The following RICTOR variants were observed in gnomAD, a reference collection of about 807,000 sequenced individuals.
RICTOR encodes the protein RPTOR independent companion of MTOR complex 2.
A neutral mutation model predicts 214.9 loss-of-function variants in RICTOR; 49 were observed. The observed-to-expected ratio is 0.23, with a 90% CI of 0.18 to 0.29. The LOEUF (loss-of-function observed/expected upper bound fraction) is 0.29. Among genes scored for constraint, RICTOR ranks in the 10% least tolerant of loss-of-function variants. The pLI is 1.00. For missense variants in RICTOR, 1,625 were observed against 2,047.0 expected (o/e 0.79, Z 3.98); for synonymous variants, 717 against 711.3 (o/e 1.01, Z -0.13).
intron 16 of RICTOR, among the ~76,000 whole-genome samples, chr5:38,964,410 G>A (rs1291658235): frequency 6.6e-6 from 1 of 151,452 alleles, no homozygotes; most frequent in South Asian, 2.1e-4. Context: ...TTTTAACCAC[G>A]CAAATAAAAG....
At chr5:38,974,759 C>T (rs773369467) in intron 10 of RICTOR, among the ~76,000 whole-genome samples, 1 of 152,162 alleles carries the variant, frequency 6.6e-6, no homozygotes, top group East Asian at 1.9e-4. Flanking sequence ...TCCCTGGAAA[C>T]ATACTGGTTA....
At chr5:38,972,002 C>G in intron 10 of RICTOR, 43 bp from the exon 11 acceptor site, 2 of 875,698 alleles carry the variant, frequency 2.3e-6, no homozygotes, top group South Asian at 3.0e-5. Context: ...ACATGAATTT[C>G]AAAAAAATTT....
rs749429040 is a variant in RICTOR at position 38,963,039 on chromosome 5, C to T, written c.1403G>A (p.Arg468Gln). 49 of 1,603,586 alleles carry T rather than the reference C, an allele frequency of 3.1e-5. No individual in the cohort carries two copies. Among genetic ancestry groups the T allele is most frequent in the South Asian group, 3.4e-5 (3 of 89,012 alleles). The change falls in exon 17 of 38, where the codon CGA becomes CAA. Residue 468 changes from arginine to glutamine, a missense_variant and splice_region_variant. Arg to Gln is a conservative substitution (Grantham distance 43). This residue lies in a region of RICTOR where 1,214 missense variants were observed against 1,470.5 expected (regional missense o/e 0.83). Transcript: ENST00000357387. ...TAAACAGTTCAAGGCTGCACTGGCT[C>T]GCCTAATGAGAAAAACAATTCAATC... ...SFDIPKEKRL[R>Q]ASAALNCLKR...
intron 10 of RICTOR, among the ~76,000 whole-genome samples, chr5:38,972,644 TATGCTGATG>T (rs1051328255): frequency 1.8e-4 from 28 of 152,244 alleles, no homozygotes; most frequent in Middle Eastern, 6.8e-3. Context: ...GGGAGTCACA[TATGCTGATG>T]ATGGGAGTAT....
intron 2 of RICTOR, among the ~76,000 whole-genome samples, chr5:39,034,824 G>A (rs992552985): frequency 1.3e-5 from 2 of 152,226 alleles, no homozygotes; most frequent in Admixed American, 6.5e-5. Context: ...CCAGAAGCTC[G>A]AACTGGGTGG....
At chr5:39,052,706 T>A (rs1009583165) in intron 2 of RICTOR, among the ~76,000 whole-genome samples, 1 of 152,210 alleles carries the variant, frequency 6.6e-6, no homozygotes, top group African/African-American at 2.4e-5. Context: ...GTCCTCTTAA[T>A]ACTGTCAGTC....
intron 26 of RICTOR, 108 bp from the exon 27 acceptor site, chr5:38,954,969 C>T (rs1579901964): frequency 1.9e-6 from 1 of 513,740 alleles, no homozygotes; most frequent in South Asian, 3.0e-5. Flanking sequence ...TACAACTCTC[C>T]AGCATAAATA....
intron 2 of RICTOR, among the ~76,000 whole-genome samples, chr5:39,067,954 A>T (rs1321282848): frequency 6.6e-6 from 1 of 152,220 alleles, no homozygotes; most frequent in East Asian, 1.9e-4. Flanking sequence ...GATGTTAAAA[A>T]TGGGTAAAAC....
At position 38,960,457 on chromosome 5, in the gene RICTOR, C is replaced by A. The variant is rs1749701561; in HGVS notation, c.1792G>T (p.Ala598Ser). Residue 598 changes from alanine to serine, a missense_variant, in exon 20 of 38, where the codon GCC becomes TCC. Coordinates refer to ENST00000357387, the MANE Select transcript of RICTOR (RefSeq NM_152756.5). ...CAACCTACAACCGTGAGCTGTTTGGCCTTGGCAAAATCCAGATCCAGGTTG... is the reference window on the plus strand; with the variant it reads ...CAACCTACAACCGTGAGCTGTTTGGACTTGGCAAAATCCAGATCCAGGTTG... Reference protein sequence around the residue: ...YANLDLDFAKAKQLTVVGCQF... With the variant: ...YANLDLDFAKSKQLTVVGCQF... The A allele has an allele frequency of 1.2e-6, 2 of 1,613,790 alleles. No homozygotes were observed. Among genetic ancestry groups the A allele is most frequent in the Admixed American group, 1.7e-5 (1 of 59,990 alleles).
intron 3 of RICTOR, 43 bp downstream of exon 3, chr5:39,020,996 G>T: frequency 2.1e-6 from 2 of 958,300 alleles, no homozygotes; most frequent in Non-Finnish European, 3.4e-6. Context: ...GTGTGGTAAG[G>T]AACAAAGAAT....
intron 36 of RICTOR, chr5:38,944,231 T>C (rs760229968): frequency 3.5e-5 from 22 of 626,564 alleles, no homozygotes; most frequent in African/African-American, 3.1e-4. Context: ...TAATAGAAGA[T>C]AGCTGGATTC....
intron 2 of RICTOR, among the ~76,000 whole-genome samples, chr5:39,053,262 C>T (rs1757969018): frequency 6.6e-6 from 1 of 152,132 alleles, no homozygotes; most frequent in African/African-American, 2.4e-5. Flanking sequence ...TGCAAAATAT[C>T]CCTCAGTCAA....
chr5:39,070,454 C>A (rs527353747), intron 2 of RICTOR, among the ~76,000 whole-genome samples: 39 of 151,512 alleles, frequency 2.6e-4, no homozygotes, highest in African/African-American at 7.8e-4. Context: ...CCGGCCTGGG[C>A]GACAGAGCGA....
chr5:39,001,333 C>T (rs138880465), intron 5 of RICTOR, among the ~76,000 whole-genome samples: 318 of 151,972 alleles, frequency 2.1e-3, no homozygotes, highest in African/African-American at 7.3e-3. Flanking sequence ...AGACGTGAAA[C>T]GAAAATATTT....
intron 7 of RICTOR, among the ~76,000 whole-genome samples, chr5:38,985,997 T>C (rs1255063940): frequency 1.3e-5 from 2 of 152,090 alleles, no homozygotes. Context: ...ACACCTGGCC[T>C]AGAGTTTATT....
intron 11 of RICTOR, chr5:38,971,007 AC>A (rs1750732606): frequency 6.6e-6 from 1 of 152,294 alleles, no homozygotes; most frequent in Admixed American, 6.6e-5. Flanking sequence ...TTTCAACTCA[AC>A]TTTTTTTTGT....
chr5:38,981,828 T>C (rs1277505198), intron 8 of RICTOR, 39 bp downstream of exon 8: 5 of 1,376,902 alleles, frequency 3.6e-6, no homozygotes, highest in South Asian at 1.3e-5. Context: ...ACATTTATAA[T>C]AATATTTTAA....
intron 2 of RICTOR, among the ~76,000 whole-genome samples, chr5:39,070,318 A>C (rs1460267897): frequency 2.0e-5 from 3 of 151,528 alleles, no homozygotes; most frequent in Non-Finnish European, 4.4e-5. Context: ...AAATACAAAA[A>C]ATTAGCCGGG....
At chr5:39,029,401 C>T (rs1425472052) in intron 2 of RICTOR, among the ~76,000 whole-genome samples, 2 of 151,788 alleles carry the variant, frequency 1.3e-5, no homozygotes, top group African/African-American at 4.8e-5. Context: ...TGTATGTGCA[C>T]ATGTACACAC....
Sources: allele counts gnomAD v4.1 joint callset (sites outside exome capture counted in the v4.1 genomes callset), GRCh38; gene constraint gnomAD v4.1.1; regional missense constraint gnomAD v4.1.1; transcripts MANE v1.5; gene names NCBI Gene and HGNC (gene_info 2026-07-23, HGNC 2026-07-21).